GALNT9: variants seen among roughly 807,000 people sequenced by gnomAD.
The protein encoded by GALNT9 is polypeptide N-acetylgalactosaminyltransferase 9.
GALNT9 carries 47 observed loss-of-function variants against 63.1 expected under a neutral mutation model. The ratio of observed to expected loss-of-function variants is 0.75; its 90% CI spans 0.59 to 0.95. The LOEUF is 0.95. Among genes scored for constraint, GALNT9 ranks in the 40% least tolerant of loss-of-function variants. The pLI is 0.00. For synonymous variants in GALNT9, 396 were observed against 365.7 expected (o/e 1.08, Z -0.94); for missense variants, 829 against 874.8 (o/e 0.95, Z 0.66).
chr12:132,213,189 CCT>C, intron 6 of GALNT9, among the ~76,000 whole-genome samples: 1 of 56,172 alleles, frequency 1.8e-5, no homozygotes. Context: ...GGGTCTGCAG[CCT>C]TCAGACCTCG....
At chr12:132,272,041 G>A (rs1426451226) in intron 2 of GALNT9, among the ~76,000 whole-genome samples, 1 of 152,068 alleles carries the variant, frequency 6.6e-6, no homozygotes, top group African/African-American at 2.4e-5. Context: ...GCGGGGGGAG[G>A]AGGAGACAGG....
chr12:132,225,660 A>C (rs1296996755), intron 6 of GALNT9, among the ~76,000 whole-genome samples: 46 of 141,288 alleles, frequency 3.3e-4, no homozygotes, highest in South Asian at 2.1e-3. Flanking sequence ...TACACACCCC[A>C]CACACACACT....
intron 6 of GALNT9, among the ~76,000 whole-genome samples, chr12:132,221,515 G>A (rs1438912805): frequency 4.6e-5 from 7 of 150,976 alleles, no homozygotes; most frequent in South Asian, 2.1e-4. Flanking sequence ...AAAATTAGCT[G>A]GGTGTGGTGG....
intron 6 of GALNT9, among the ~76,000 whole-genome samples, chr12:132,212,751 C>T (rs1449753306): frequency 3.5e-5 from 1 of 28,428 alleles, no homozygotes; most frequent in Non-Finnish European, 6.5e-5. Context: ...GTCTGCAGCC[C>T]TCAGACCGTG....
chr12:132,230,348 A>C (rs1288976627), intron 6 of GALNT9, among the ~76,000 whole-genome samples: 4 of 152,234 alleles, frequency 2.6e-5, no homozygotes, highest in African/African-American at 9.6e-5. Flanking sequence ...CAGTCACTTT[A>C]AGCCACTAAA....
chr12:132,294,585 G>A lies in GALNT9; in HGVS notation c.239-8155C>T, dbSNP rs529476018. ...CAGGCGTCCTGCTCAGGGTGCCAGCGGTCATGTAGCGCCAAGGTGCTGGCA... is the reference window on the plus strand; with the variant it reads ...CAGGCGTCCTGCTCAGGGTGCCAGCAGTCATGTAGCGCCAAGGTGCTGGCA... On this transcript the variant is annotated intron_variant, in intron 1 of 10. Coordinates refer to ENST00000328957, the MANE Select transcript of GALNT9 (RefSeq NM_001122636.2). Among the ~76,000 whole-genome samples the A allele has an allele frequency of 2.3e-3, 353 of 152,358 alleles. 1 individual carries two copies. Among genetic ancestry groups the A allele is most frequent in the Non-Finnish European group, 3.1e-3 (211 of 68,028 alleles).
At chr12:132,211,068 A>G (rs1003580761) in intron 6 of GALNT9, among the ~76,000 whole-genome samples, 13 of 152,034 alleles carry the variant, frequency 8.6e-5, no homozygotes, top group African/African-American at 3.1e-4. Context: ...CTTCTCCACC[A>G]CAACGCCTGG....
At chr12:132,239,805 G>C (rs1393832864) in intron 6 of GALNT9, among the ~76,000 whole-genome samples, 1 of 152,158 alleles carries the variant, frequency 6.6e-6, no homozygotes, top group East Asian at 1.9e-4. Flanking sequence ...TGCAGAGACA[G>C]AGATAAAGAG....
At chr12:132,281,857 C>CCG in intron 2 of GALNT9, among the ~76,000 whole-genome samples, 1 of 150,242 alleles carries the variant, frequency 6.7e-6, no homozygotes, top group African/African-American at 2.5e-5. Flanking sequence ...CTGGGGGTCC[C>CCG]ACATCCCACA....
At chr12:132,257,952 C>T (rs932389271) in intron 4 of GALNT9, 66 bp from the exon 5 acceptor site, 47 of 1,157,400 alleles carry the variant, frequency 4.1e-5, no homozygotes, top group East Asian at 1.0e-4. Flanking sequence ...AGGGTCCACT[C>T]GCCCACAGGG....
chr12:132,281,448 C>CTT (rs1371611503), intron 2 of GALNT9, among the ~76,000 whole-genome samples: 1 of 152,156 alleles, frequency 6.6e-6, no homozygotes, highest in Non-Finnish European at 1.5e-5. Context: ...AGCCTCCTCA[C>CTT]TTTTTTTGGG....
In GALNT9 at chr12:132,238,049, C is replaced by A. The variant is rs1555236479; in HGVS notation, c.1077+9861G>T. Among the ~76,000 whole-genome samples the A allele has an allele frequency of 1.3e-5, 2 of 152,214 alleles. No homozygotes were observed. The highest frequency in any genetic ancestry group is 2.9e-5 in the Non-Finnish European group (2 of 68,032). On this transcript the variant is annotated intron_variant, in intron 6 of 10. Coordinates refer to ENST00000328957, the MANE Select transcript of GALNT9 (RefSeq NM_001122636.2). This position sits in a 1 kb window ranked among gnomAD's most constrained non-coding sequence, Gnocchi z 6.5. ...GGCAAGGACTCTGCAGTGGGTGAGC[C>A]AAGGTCAGGTGGAGGTCACGTGTGT...
At chr12:132,258,623 C>T (rs1409255220) in intron 4 of GALNT9, among the ~76,000 whole-genome samples, 3 of 152,184 alleles carry the variant, frequency 2.0e-5, no homozygotes, top group Non-Finnish European at 4.4e-5. Context: ...GAAGCCCGGG[C>T]GTGTGCCTAA....
At position 132,262,556 on chromosome 12, in the gene GALNT9, C is replaced by T. The variant is rs1420176746; in HGVS notation, c.489G>A (p.Ala163=). 2.3e-5 allele frequency: 35 copies of T among 1,551,378 alleles called. No homozygotes were observed. The highest frequency in any genetic ancestry group is 8.2e-5 in the African/African-American group (6 of 73,074). Residue 163 remains alanine, a synonymous_variant, in exon 3 of 11, where the codon GCG becomes GCA. Coordinates refer to ENST00000328957, the MANE Select transcript of GALNT9 (RefSeq NM_001122636.2). ...VSVVFIFVNE[A]LSVILRSVHS... is the part of the protein sequence containing the mutation. ...GCACGGAGCGCAGGATGACCGACAG[C>T]GCCTCATTGACGAAGATGAAGACCA... is the stretch of plus-strand genomic sequence containing the variant.
At chr12:132,210,584 C>T (rs1352654969) in intron 6 of GALNT9, among the ~76,000 whole-genome samples, 1 of 152,124 alleles carries the variant, frequency 6.6e-6, no homozygotes, top group Non-Finnish European at 1.5e-5. Flanking sequence ...AGATGGGTGG[C>T]GAGTGGGGTT....
intron 8 of GALNT9, among the ~76,000 whole-genome samples, chr12:132,199,742 A>T (rs1038255132): frequency 5.3e-5 from 8 of 152,080 alleles, no homozygotes; most frequent in Non-Finnish European, 8.8e-5. Flanking sequence ...CTGCTGGGGG[A>T]TGTGTTGTCA....
Position 132,227,598 on chromosome 12 carries a change from T to C in GALNT9, c.1077+20312A>G, listed in dbSNP as rs1038250075. Among the ~76,000 whole-genome samples, 31 of 152,270 alleles carry C rather than the reference T, an allele frequency of 2.0e-4. No individual in the cohort carries two copies. The East Asian group carries it at 5.0e-3, about 25-fold the overall frequency. ...GCTTTTACATCTAAAACAGCTTTTCTAAAGAAAAGAAAACTGGTGTTTAAG... is the reference window on the plus strand; with the variant it reads ...GCTTTTACATCTAAAACAGCTTTTCCAAAGAAAAGAAAACTGGTGTTTAAG... On this transcript the variant is annotated intron_variant, in intron 6 of 10. Transcript: ENST00000328957.
intron 4 of GALNT9, among the ~76,000 whole-genome samples, chr12:132,259,937 G>A (rs57473631): frequency 0.47 from 70,339 of 148,870 alleles, 17,665 homozygotes; most frequent in African/African-American, 0.65. Context: ...ACAGGGGTGG[G>A]TCCTGGCCCT....
At chr12:132,240,749 G>C (rs2136899390) in intron 6 of GALNT9, 3 of 455,504 alleles carry the variant, frequency 6.6e-6, no homozygotes, top group African/African-American at 4.0e-5. Flanking sequence ...ACCAGAACCT[G>C]ATCACCAGCA....
Sources: gnomAD v4.1 joint callset for allele counts (sites outside exome capture counted in the v4.1 genomes callset) on GRCh38, gnomAD v4.1.1 for gene constraint, Gnocchi (gnomAD v3.1) non-coding constraint, MANE v1.5 for transcripts, NCBI Gene and HGNC (gene_info 2026-07-23, HGNC 2026-07-21) for gene names.